USP3: variants seen among roughly 807,000 people sequenced by gnomAD.
USP3 encodes ubiquitin specific peptidase 3, also known as ubiquitin carboxyl-terminal hydrolase 3.
In USP3, 20 loss-of-function variants were observed where a neutral mutation model predicts 72.3. That is an observed-to-expected ratio of 0.28 (90% CI 0.19 to 0.40). USP3 has a LOEUF of 0.40. Among genes scored for constraint, USP3 ranks in the 10% least tolerant of loss-of-function variants. USP3 has a pLI of 1.00. For synonymous variants in USP3, 222 were observed against 225.3 expected (o/e 0.99, Z 0.13); for missense variants, 479 against 633.9 (o/e 0.76, Z 2.62).
chr15:63,579,948 A>G (rs950615086), intron 11 of USP3, among the ~76,000 whole-genome samples: 4 of 152,328 alleles, frequency 2.6e-5, no homozygotes, highest in African/African-American at 9.6e-5. Context: ...CTAAATTGGC[A>G]TGGTTGTTTT....
chr15:63,534,763 G>A (rs2066130091), intron 2 of USP3, among the ~76,000 whole-genome samples: 1 of 152,062 alleles, frequency 6.6e-6, no homozygotes, highest in Admixed American at 6.6e-5. Context: ...TCTCAAAAAT[G>A]TGCAAGTGGT....
At chr15:63,552,639 C>G (rs965111884) in intron 3 of USP3, among the ~76,000 whole-genome samples, 1 of 152,136 alleles carries the variant, frequency 6.6e-6, no homozygotes, top group Non-Finnish European at 1.5e-5. Context: ...TTTTGAGAAG[C>G]ATTCACTTAA....
intron 3 of USP3, among the ~76,000 whole-genome samples, chr15:63,546,840 C>G (rs984722699): frequency 6.6e-6 from 1 of 152,102 alleles, no homozygotes; most frequent in East Asian, 1.9e-4. Context: ...AGTCTCCTGA[C>G]CTCGTGATCT....
chr15:63,576,813 G>T (rs1280136553), intron 11 of USP3, among the ~76,000 whole-genome samples: 1 of 152,182 alleles, frequency 6.6e-6, no homozygotes, highest in Non-Finnish European at 1.5e-5. Flanking sequence ...ACAGGGTCTG[G>T]TACCTCCTCA....
intron 1 of USP3, among the ~76,000 whole-genome samples, chr15:63,532,178 C>G (rs1202656001): frequency 1.3e-5 from 2 of 152,166 alleles, no homozygotes; most frequent in African/African-American, 4.8e-5. Flanking sequence ...TTTGGGAAAA[C>G]TAGGCTCAGA....
At chr15:63,578,387 G>A (rs1348255273) in intron 11 of USP3, among the ~76,000 whole-genome samples, 2 of 151,752 alleles carry the variant, frequency 1.3e-5, no homozygotes, top group Admixed American at 6.6e-5. Flanking sequence ...GGTGGATCAC[G>A]AGGTCAGGAG....
intron 8 of USP3, among the ~76,000 whole-genome samples, chr15:63,564,400 G>C (rs2066655515): frequency 6.6e-6 from 1 of 152,112 alleles, no homozygotes; most frequent in Admixed American, 6.5e-5. Flanking sequence ...GCTAATAATA[G>C]ATTTGTTGAC....
At position 63,574,164 on chromosome 15, in the gene USP3, G is replaced by A. The variant is rs1241341937; in HGVS notation, c.1015+12G>A. ...TGATCCATTCCTAGGTAAGATATAT[G>A]TGGCATGTGGATATATAATATTTTA... On this transcript the variant is annotated intron_variant, in intron 10 of 14. Coordinates refer to ENST00000380324, the MANE Select transcript of USP3 (RefSeq NM_006537.4). This position sits in a 1 kb window ranked among gnomAD's most constrained non-coding sequence, Gnocchi z 4.6. The A allele has an allele frequency of 6.6e-7, 1 of 1,525,264 alleles. No individual in the cohort carries two copies. Among genetic ancestry groups the A allele is most frequent in the Non-Finnish European group, 8.9e-7 (1 of 1,128,200 alleles). The allele number at this position is 1,525,264 out of a possible 1,614,324, so 94.5% of individuals were successfully genotyped here. A position where few individuals can be genotyped will look rare whatever the true frequency, so the allele number is the denominator to read the frequency against.
intron 11 of USP3, among the ~76,000 whole-genome samples, chr15:63,582,480 T>G (rs965660456): frequency 1.3e-5 from 2 of 152,214 alleles, no homozygotes; most frequent in Admixed American, 6.5e-5. Flanking sequence ...GGCCACCATT[T>G]TTTAAACTGA....
At chr15:63,554,361 A>G (rs2066478106) in intron 4 of USP3, among the ~76,000 whole-genome samples, 2 of 152,216 alleles carry the variant, frequency 1.3e-5, no homozygotes, top group Admixed American at 1.3e-4. Context: ...AAGAAATGAA[A>G]CTATTTATAT....
At chr15:63,584,983 C>T (rs1322277436) in intron 11 of USP3, among the ~76,000 whole-genome samples, 3 of 152,100 alleles carry the variant, frequency 2.0e-5, no homozygotes, top group Non-Finnish European at 2.9e-5. Flanking sequence ...CTAGTTTCCC[C>T]AGCACCATCT....
chr15:63,568,831 A>G (rs1473647206), intron 8 of USP3, among the ~76,000 whole-genome samples: 3 of 152,210 alleles, frequency 2.0e-5, no homozygotes, highest in Non-Finnish European at 4.4e-5. Context: ...CTCATAACCT[A>G]CCTTTATAGA....
intron 3 of USP3, among the ~76,000 whole-genome samples, chr15:63,548,666 G>A (rs2152667972): frequency 6.6e-6 from 1 of 151,936 alleles, no homozygotes; most frequent in South Asian, 2.1e-4. Flanking sequence ...ATGGAGTCTT[G>A]CTATGTTGCC....
chr15:63,505,895 G>A (rs1287049766), intron 1 of USP3, among the ~76,000 whole-genome samples: 1 of 152,214 alleles, frequency 6.6e-6, no homozygotes, highest in African/African-American at 2.4e-5. Context: ...TGATTTAGCT[G>A]TGACATGTCT....
chr15:63,560,592 T>C (rs1180523375), intron 7 of USP3, among the ~76,000 whole-genome samples: 2 of 152,030 alleles, frequency 1.3e-5, no homozygotes, highest in Non-Finnish European at 2.9e-5. Context: ...AGTTGATTTG[T>C]CCGACAGTGT....
intron 11 of USP3, among the ~76,000 whole-genome samples, chr15:63,584,092 G>GTTTTTTTTT (rs61574200): frequency 8.2e-5 from 7 of 85,596 alleles, no homozygotes; most frequent in Admixed American, 1.5e-4. Context: ...CAACGGTTTT[G>GTTTTTTTTT]TTTTTTTTTT....
At chr15:63,522,508 G>A (rs564074832) in intron 1 of USP3, among the ~76,000 whole-genome samples, 1 of 152,296 alleles carries the variant, frequency 6.6e-6, no homozygotes, top group African/African-American at 2.4e-5. Context: ...CTCTAAGGAT[G>A]TTGCTAAACC....
intron 1 of USP3, among the ~76,000 whole-genome samples, chr15:63,520,222 CATT>C (rs1336217460): frequency 6.6e-6 from 1 of 152,198 alleles, no homozygotes; most frequent in East Asian, 1.9e-4. Context: ...CCTACAATTT[CATT>C]CAACACCACA....
At chr15:63,538,834 A>G (rs925029256) in intron 3 of USP3, among the ~76,000 whole-genome samples, 1 of 152,140 alleles carries the variant, frequency 6.6e-6, no homozygotes, top group African/African-American at 2.4e-5. Flanking sequence ...TTACAGGTTC[A>G]ACACCATTAA....
Sources: gnomAD v4.1 joint callset for allele counts (sites outside exome capture counted in the v4.1 genomes callset) on GRCh38, gnomAD v4.1.1 for gene constraint, Gnocchi (gnomAD v3.1) non-coding constraint, MANE v1.5 for transcripts, NCBI Gene and HGNC (gene_info 2026-07-23, HGNC 2026-07-21) for gene names.